Variants in FRMD4B observed in about 807,000 individuals in gnomAD.
FRMD4B encodes the protein FERM domain containing 4B.
FRMD4B carries 74 observed loss-of-function variants against 141.5 expected under a neutral mutation model. The ratio of observed to expected loss-of-function variants is 0.52; its 90% confidence interval spans 0.43 to 0.63. FRMD4B has a LOEUF of 0.63. Among genes scored for constraint, FRMD4B ranks in the 30% least tolerant of loss-of-function variants. FRMD4B has a pLI of 0.00. For synonymous variants in FRMD4B, 506 were observed against 467.9 expected (o/e 1.08, Z -1.05); for missense variants, 1,366 against 1,253.4 (o/e 1.09, Z -1.36).
chr3:69,297,588 T>A (rs1338509578), intron 4 of FRMD4B, among the ~76,000 whole-genome samples: 1 of 152,156 alleles, frequency 6.6e-6, no homozygotes, highest in East Asian at 1.9e-4. Context: ...CAGGTTGCCC[T>A]CCTCTGAGGG....
At chr3:69,235,689 G>A (rs1259347771) in intron 7 of FRMD4B, among the ~76,000 whole-genome samples, 1 of 151,400 alleles carries the variant, frequency 6.6e-6, no homozygotes, top group Non-Finnish European at 1.5e-5. Flanking sequence ...AAAAAAAAAA[G>A]AAATACTTCT....
chr3:69,375,803 C>T (rs565202108), intron 1 of FRMD4B, among the ~76,000 whole-genome samples: 1 of 152,208 alleles, frequency 6.6e-6, no homozygotes, highest in South Asian at 2.1e-4. Context: ...TAATATCATA[C>T]TGAAGAGGAT....
intron 1 of FRMD4B, among the ~76,000 whole-genome samples, chr3:69,504,469 C>T (rs551369001): frequency 1.8e-3 from 280 of 152,268 alleles, no homozygotes; most frequent in African/African-American, 6.6e-3. Context: ...GTGTAGTCAT[C>T]CCCAAACCAC....
chr3:69,299,569 G>A (rs1701143954), intron 4 of FRMD4B, among the ~76,000 whole-genome samples: 1 of 152,144 alleles, frequency 6.6e-6, no homozygotes, highest in Non-Finnish European at 1.5e-5. Context: ...GTCCCAAGAT[G>A]ATTCAGATAT....
At chr3:69,257,299 T>C (rs2106827708) in intron 5 of FRMD4B, among the ~76,000 whole-genome samples, 1 of 152,352 alleles carries the variant, frequency 6.6e-6, no homozygotes, top group South Asian at 2.1e-4. Context: ...GAACTCATTA[T>C]TTTAATACTT....
At chr3:69,368,644 C>G (rs1194420275) in intron 1 of FRMD4B, among the ~76,000 whole-genome samples, 3 of 152,224 alleles carry the variant, frequency 2.0e-5, no homozygotes, top group Non-Finnish European at 4.4e-5. Context: ...CCATGGCATA[C>G]TCCCACTTCA....
rs10635317 is a variant in FRMD4B, at chr3:69,169,355, T to TCC, written c.*2505_*2506insGG. 0.9 allele frequency among the ~76,000 whole-genome samples: 109,535 copies of TCC among 121,772 alleles called. 48,894 individuals carry two copies. Among genetic ancestry groups the TCC allele is most frequent in the Non-Finnish European group, 0.97 (57,282 of 59,208 alleles). The allele number at this position is 121,772 out of a possible 152,430, so 79.9% of individuals were successfully genotyped here. A position where few individuals can be genotyped will look rare whatever the true frequency, so the allele number is the denominator to read the frequency against. The stretch of plus-strand genomic sequence containing the variant: ...GATTGCTGAACTTCCATTTCTTTCT[T>TCC]TTTTTTTTTTTTTTTTTTTTCTTGA... On this transcript the variant is annotated 3_prime_UTR_variant, in exon 23 of 23. Transcript: ENST00000398540.
In FRMD4B at chr3:69,220,286, A is replaced by G. The variant is rs148319463; in HGVS notation, c.731+1572T>C. Reference sequence around the variant, plus strand: ...GAAATACTGTAGGCAATTATAATACAATGGTAAGTATTTGAGTATCTAAGC... The same window carrying G: ...GAAATACTGTAGGCAATTATAATACGATGGTAAGTATTTGAGTATCTAAGC... On this transcript the variant is annotated intron_variant, in intron 9 of 22. Transcript: ENST00000398540. Among the ~76,000 whole-genome samples the G allele has an allele frequency of 4.4e-4, 67 of 152,304 alleles. 1 individual carries two copies. The East Asian group carries it at 0.012, about 27-fold the overall frequency.
intron 2 of FRMD4B, among the ~76,000 whole-genome samples, chr3:69,404,302 G>A (rs1704617119): frequency 6.6e-6 from 1 of 152,094 alleles, no homozygotes; most frequent in Non-Finnish European, 1.5e-5. Flanking sequence ...ACAGAATTCA[G>A]AAAAAATAAA....
At chr3:69,343,427 G>A (rs1257197592) in intron 1 of FRMD4B, among the ~76,000 whole-genome samples, 3 of 151,894 alleles carry the variant, frequency 2.0e-5, no homozygotes, top group East Asian at 1.9e-4. Context: ...CTTTAACCAC[G>A]GACTCCTGAA....
At chr3:69,385,042 A>C (rs1238435928) in intron 1 of FRMD4B, among the ~76,000 whole-genome samples, 1 of 151,604 alleles carries the variant, frequency 6.6e-6, no homozygotes, top group Non-Finnish European at 1.5e-5. Context: ...AAAGCACAGA[A>C]CTTTTAAATT....
At chr3:69,207,105 C>T (rs1203443844) in intron 11 of FRMD4B, among the ~76,000 whole-genome samples, 1 of 151,566 alleles carries the variant, frequency 6.6e-6, no homozygotes, top group Non-Finnish European at 1.5e-5. Flanking sequence ...GAGTTCAAGA[C>T]CAGCTTGGGC....
At chr3:69,178,586 CG>C (rs1341749774) in intron 21 of FRMD4B, among the ~76,000 whole-genome samples, 1 of 151,140 alleles carries the variant, frequency 6.6e-6, no homozygotes, top group Non-Finnish European at 1.5e-5. Flanking sequence ...GAGGGAGGAT[CG>C]CGTTGAGCCA....
intron 1 of FRMD4B, among the ~76,000 whole-genome samples, chr3:69,527,348 C>T (rs1265887882): frequency 6.6e-6 from 1 of 152,066 alleles, no homozygotes; most frequent in Non-Finnish European, 1.5e-5. Flanking sequence ...CGGGGTGGAG[C>T]GCAAACCTGC....
chr3:69,264,248 C>T (rs892109993), intron 5 of FRMD4B, among the ~76,000 whole-genome samples: 1 of 152,160 alleles, frequency 6.6e-6, no homozygotes, highest in Non-Finnish European at 1.5e-5. Flanking sequence ...TGATGCCCTA[C>T]CTGCTGTCAC....
chr3:69,213,467 T>G (rs1209422909), intron 11 of FRMD4B, among the ~76,000 whole-genome samples: 3 of 151,946 alleles, frequency 2.0e-5, no homozygotes, highest in Non-Finnish European at 4.4e-5. Flanking sequence ...GATTAGAAAT[T>G]AGGTTTTAGA....
At chr3:69,504,057 A>T (rs141567341) in intron 1 of FRMD4B, among the ~76,000 whole-genome samples, 1 of 152,332 alleles carries the variant, frequency 6.6e-6, no homozygotes, top group Non-Finnish European at 1.5e-5. Context: ...CTCCTACAGG[A>T]TCATATACAA....
chr3:69,224,479 G>A, intron 8 of FRMD4B, 128 bp downstream of exon 8: 1 of 686,440 alleles, frequency 1.5e-6, no homozygotes, highest in Non-Finnish European at 2.6e-6. Context: ...TCTACCTATG[G>A]TTACTTTATA....
intron 11 of FRMD4B, among the ~76,000 whole-genome samples, chr3:69,211,043 A>AAAG (rs2093073960): frequency 6.6e-6 from 1 of 151,640 alleles, no homozygotes; most frequent in African/African-American, 2.4e-5. Context: ...AAAAAAAAGA[A>AAAG]AGAAAATTTG....
Sources: allele counts gnomAD v4.1 joint callset (sites outside exome capture counted in the v4.1 genomes callset), GRCh38; gene constraint gnomAD v4.1.1; transcripts MANE v1.5; gene names NCBI Gene and HGNC (gene_info 2026-07-23, HGNC 2026-07-21).